CASZ1: variants seen among roughly 807,000 people sequenced by gnomAD.
The protein encoded by CASZ1 is castor zinc finger 1, also known as zinc finger protein castor homolog 1.
In CASZ1, 28 loss-of-function variants were observed where a neutral mutation model predicts 135.2. That is an observed-to-expected ratio of 0.21 (90% CI 0.15 to 0.28). CASZ1 has a LOEUF of 0.28. Ranked by LOEUF, CASZ1 falls within the 10% of genes least tolerant of loss-of-function variation. The pLI is 1.00. For synonymous variants in CASZ1, 1,068 were observed against 1,073.4 expected (o/e 0.99, Z 0.10); for missense variants, 2,161 against 2,453.3 (o/e 0.88, Z 2.52).
chr1:10,796,401 G>A (rs1641071708), intron 1 of CASZ1, among the ~76,000 whole-genome samples, 163 bp downstream of exon 1: 1 of 152,028 alleles, frequency 6.6e-6, no homozygotes, highest in Non-Finnish European at 1.5e-5. Context: ...CTGGCTGGCT[G>A]GCTCGCTCGC....
At chr1:10,754,566 T>A (rs1056606394) in intron 2 of CASZ1, among the ~76,000 whole-genome samples, 1 of 152,144 alleles carries the variant, frequency 6.6e-6, no homozygotes, top group Admixed American at 6.5e-5. Flanking sequence ...TCCTGCCCCC[T>A]AAACCAGGTG....
intron 1 of CASZ1, among the ~76,000 whole-genome samples, chr1:10,773,861 C>T (rs1214922783): frequency 2.0e-5 from 3 of 152,220 alleles, no homozygotes; most frequent in East Asian, 1.9e-4. Flanking sequence ...GGCTGATATG[C>T]GCTGAGAAGA....
chr1:10,665,097 G>T lies in CASZ1; in HGVS notation c.491C>A (p.Thr164Asn). The T allele has an allele frequency of 3.3e-6, 5 of 1,506,818 alleles. No individual in the cohort carries two copies. Among genetic ancestry groups the T allele is most frequent in the Non-Finnish European group, 4.4e-6 (5 of 1,127,700 alleles). 93.3% of individuals were successfully genotyped at this position (1,506,818 alleles called of 1,614,324 possible). A position where few individuals can be genotyped will look rare whatever the true frequency, so the allele number is the denominator to read the frequency against. Residue 164 changes from threonine (T) to asparagine (N), a missense_variant, in exon 5 of 21, where the codon ACC (threonine) becomes AAC (asparagine). Physicochemically the swap from Thr to Asn is moderately conservative, Grantham distance 65. Around this residue, in one of 7 missense-constraint regions of CASZ1, gnomAD observed 590 missense variants for 609.8 expected, o/e 0.97. Transcript: ENST00000377022. ...CAGGCACCCACCTGAAGCCTGCCTG[G>T]TGCTGGGGCCGCTGTCCTCCTTGGA... ...AASKEDSGPS[T>N]RQASGEASSL...
intron 1 of CASZ1, among the ~76,000 whole-genome samples, chr1:10,775,749 AG>A (rs1640651465): frequency 6.6e-6 from 1 of 152,162 alleles, no homozygotes; most frequent in South Asian, 2.1e-4. Flanking sequence ...GCCCGATGTC[AG>A]GACAAGAAGG....
At chr1:10,792,348 C>G (rs1381842421) in intron 1 of CASZ1, among the ~76,000 whole-genome samples, 2 of 61,494 alleles carry the variant, frequency 3.3e-5, no homozygotes, top group African/African-American at 6.0e-5. Context: ...CCCGGCCCCG[C>G]ACACAAAGTA....
chr1:10,713,841 T>C (rs1487161936), intron 2 of CASZ1, among the ~76,000 whole-genome samples: 1 of 152,264 alleles, frequency 6.6e-6, no homozygotes, highest in East Asian at 1.9e-4. Context: ...CAGAAAACTC[T>C]GCAAGGGGAA....
intron 1 of CASZ1, among the ~76,000 whole-genome samples, chr1:10,784,509 A>G (rs1409318580): frequency 6.6e-6 from 1 of 152,026 alleles, no homozygotes; most frequent in Non-Finnish European, 1.5e-5. Context: ...GATGGTACAG[A>G]CCCCACACCC....
chr1:10,698,271 T>C (rs1320265763), intron 3 of CASZ1, among the ~76,000 whole-genome samples: 2 of 152,232 alleles, frequency 1.3e-5, no homozygotes, highest in East Asian at 1.9e-4. Context: ...AGATATCTAA[T>C]GGAAAATTAT....
intron 4 of CASZ1, among the ~76,000 whole-genome samples, chr1:10,692,850 C>T (rs909384610): frequency 6.6e-6 from 1 of 152,314 alleles, no homozygotes; most frequent in Middle Eastern, 3.4e-3. Context: ...ACCAGTATCA[C>T]CTATCCCATC....
rs1305759338 is a variant in CASZ1, at chr1:10,726,350, C to A, written c.-76-20806G>T. The stretch of plus-strand genomic sequence containing the variant: ...GCTTGGGGCTACTGACCAACAGCCA[C>A]GCTCTGGGATGCCGCCATCCTCAGC... On this transcript the variant is annotated intron_variant, in intron 2 of 20. Transcript: ENST00000377022. This position sits in a 1 kb window ranked among gnomAD's most constrained non-coding sequence, Gnocchi z 5.7. Among the ~76,000 whole-genome samples the A allele has an allele frequency of 6.6e-6, 1 of 152,200 alleles. No homozygotes were observed. The highest frequency in any genetic ancestry group is 2.4e-5 in the African/African-American group (1 of 41,444).
intron 2 of CASZ1, 141 bp downstream of exon 2, chr1:10,760,560 G>T (rs960535667): frequency 6.6e-6 from 1 of 152,282 alleles, no homozygotes; most frequent in Non-Finnish European, 1.5e-5. Flanking sequence ...TTCACTGATG[G>T]TGCTTAAGCT....
chr1:10,694,403 A>C lies in CASZ1; in HGVS notation c.-23-491T>G. 1 of 854,232 alleles carries C rather than the reference A, an allele frequency of 1.2e-6. No homozygotes were observed. The highest frequency in any genetic ancestry group is 2.2e-5 in the South Asian group (1 of 46,428). The allele number at this position is 854,232 out of a possible 1,614,324, so 52.9% of individuals were successfully genotyped here. On this transcript the variant is annotated intron_variant, in intron 3 of 20. Coordinates refer to ENST00000377022, the MANE Select transcript of CASZ1 (RefSeq NM_001079843.3). The surrounding 1 kb of genome is among the most constrained non-coding windows in gnomAD (Gnocchi z 6.6). ...ACTCCCCGAATAACAAGTTGTTTTA[A>C]AGCCCTGATGTCATTGCTCCTGCCG...
chr1:10,655,890 G>T, intron 8 of CASZ1, 77 bp from the exon 9 acceptor site: 1 of 1,476,110 alleles, frequency 6.8e-7, no homozygotes. Flanking sequence ...AAGAGCACCT[G>T]GGCCAGGTGC....
intron 1 of CASZ1, among the ~76,000 whole-genome samples, chr1:10,771,816 T>C (rs943948981): frequency 3.9e-5 from 6 of 152,196 alleles, no homozygotes; most frequent in African/African-American, 1.4e-4. Context: ...TTGGGGATGC[T>C]GGCACCCAGG....
rs958394045 is a variant in CASZ1, at chr1:10,701,541, G to A, written c.-24+3951C>T. On this transcript the variant is annotated intron_variant, in intron 3 of 20. Transcript: ENST00000377022. The surrounding 1 kb of genome is among the most constrained non-coding windows in gnomAD (Gnocchi z 6.3). ...ATGGAGTGATGGGAGGAGGGGGGGC[G>A]CGGTCAGAAGAAGGAGATAACGGGC... Among the ~76,000 whole-genome samples, 6 of 152,254 alleles carry A rather than the reference G, an allele frequency of 3.9e-5. No homozygotes were observed. The highest frequency in any genetic ancestry group is 3.9e-4 in the East Asian group (2 of 5,172).
In CASZ1 at chr1:10,717,012, A is replaced by G. The variant is rs1333385167; in HGVS notation, c.-76-11468T>C. Among the ~76,000 whole-genome samples the G allele has an allele frequency of 6.6e-6, 1 of 152,166 alleles. No homozygotes were observed. Among genetic ancestry groups the G allele is most frequent in the Non-Finnish European group, 1.5e-5 (1 of 68,022 alleles). On this transcript the variant is annotated intron_variant, in intron 2 of 20. Transcript: ENST00000377022. This position sits in a 1 kb window ranked among gnomAD's most constrained non-coding sequence, Gnocchi z 4.6. ...TCACCAGCACAGGCAGGCGGGGCAC[A>G]GACCTAGCAGAGGGCTGGGCCTCAG...
At chr1:10,698,258 A>G (rs1025915783) in intron 3 of CASZ1, among the ~76,000 whole-genome samples, 1 of 152,238 alleles carries the variant, frequency 6.6e-6, no homozygotes, top group Non-Finnish European at 1.5e-5. Flanking sequence ...ATATTTGTAA[A>G]CTAGATATCT....
At chr1:10,670,408 C>T (rs983165665) in intron 4 of CASZ1, among the ~76,000 whole-genome samples, 3 of 152,244 alleles carry the variant, frequency 2.0e-5, no homozygotes, top group African/African-American at 4.8e-5. Context: ...CACAGCCTCC[C>T]GCCTAGGCAT....
At chr1:10,723,700 C>T (rs1639546006) in intron 2 of CASZ1, among the ~76,000 whole-genome samples, 2 of 152,206 alleles carry the variant, frequency 1.3e-5, no homozygotes, top group Non-Finnish European at 1.5e-5. Context: ...GAAGCTGCCC[C>T]CATCTCTGAA....
Sources: allele counts gnomAD v4.1 joint callset (sites outside exome capture counted in the v4.1 genomes callset), GRCh38; gene constraint gnomAD v4.1.1; regional missense constraint gnomAD v4.1.1; non-coding constraint Gnocchi (gnomAD v3.1); transcripts MANE v1.5; gene names NCBI Gene and HGNC (gene_info 2026-07-23, HGNC 2026-07-21).